PALS1: variants seen among roughly 807,000 people sequenced by gnomAD.
PALS1 encodes protein PALS1.
A neutral mutation model predicts 78.9 loss-of-function variants in PALS1; 31 were observed. The ratio of observed to expected loss-of-function variants is 0.39; its 90% CI spans 0.30 to 0.53. The LOEUF (loss-of-function observed/expected upper bound fraction) is 0.53. Ranked by LOEUF, PALS1 falls within the 20% of genes least tolerant of loss-of-function variation. The pLI is 0.67. For synonymous variants in PALS1, 276 were observed against 270.9 expected, an observed-to-expected ratio of 1.02 and a Z score of -0.18; for missense variants, 704 against 826.5, an observed-to-expected ratio of 0.85 and a Z score of 1.82.
At chr14:67,328,890 A>G (rs1314258729) in intron 14 of PALS1, among the ~76,000 whole-genome samples, 3 of 152,128 alleles carry the variant, frequency 2.0e-5, no homozygotes, top group Non-Finnish European at 4.4e-5. Context: ...GCCTTGTAGT[A>G]TAGTTTGAAG....
chr14:67,313,611 A>C (rs1208611591), intron 9 of PALS1, among the ~76,000 whole-genome samples: 1 of 152,228 alleles, frequency 6.6e-6, no homozygotes, highest in Non-Finnish European at 1.5e-5. Flanking sequence ...AAAGGAATAC[A>C]TACAGGATGA....
intron 5 of PALS1, among the ~76,000 whole-genome samples, chr14:67,301,753 A>G (rs1310438721): frequency 1.3e-5 from 2 of 152,080 alleles, no homozygotes; most frequent in Admixed American, 6.6e-5. Flanking sequence ...AGACCTTTAC[A>G]TTGATGTTAT....
intron 11 of PALS1, among the ~76,000 whole-genome samples, chr14:67,317,763 A>G (rs576028457): frequency 1.3e-5 from 2 of 152,366 alleles, no homozygotes; most frequent in East Asian, 1.9e-4. Context: ...CTTACAGAAC[A>G]TACTTGAAGT....
intron 11 of PALS1, among the ~76,000 whole-genome samples, chr14:67,318,379 G>C (rs2085210853): frequency 6.6e-6 from 1 of 152,074 alleles, no homozygotes; most frequent in Non-Finnish European, 1.5e-5. Context: ...TAACTAAAAA[G>C]ATTTAATGAG....
At chr14:67,251,951 A>C (rs2084070589) in intron 1 of PALS1, among the ~76,000 whole-genome samples, 1 of 152,164 alleles carries the variant, frequency 6.6e-6, no homozygotes, top group Non-Finnish European at 1.5e-5. Flanking sequence ...TGCCCATCTA[A>C]TGAAACTCCT....
rs763837627 is a variant in PALS1, at chr14:67,301,370, C to T, written c.577-19C>T. The T allele has an allele frequency of 1.1e-5, 17 of 1,575,352 alleles. No homozygotes were observed. Among genetic ancestry groups the T allele is most frequent in the Non-Finnish European group, 1.4e-5 (16 of 1,150,016 alleles). ...CTTCCTATAATCTAGGAAGAATAAT[C>T]TTTATTTTTGTTTCTTAGGTACAAA... On this transcript the variant is annotated intron_variant, in intron 4 of 14. Coordinates refer to ENST00000261681, the MANE Select transcript of PALS1 (RefSeq NM_022474.4).
At chr14:67,268,415 G>A (rs1005553837) in intron 1 of PALS1, among the ~76,000 whole-genome samples, 3 of 152,220 alleles carry the variant, frequency 2.0e-5, no homozygotes, top group African/African-American at 7.2e-5. Context: ...AGTCCATAGA[G>A]TAAAATGAAA....
chr14:67,245,916 A>AT (rs1366867530), intron 1 of PALS1, among the ~76,000 whole-genome samples: 2 of 151,348 alleles, frequency 1.3e-5, no homozygotes, highest in African/African-American at 4.9e-5. Flanking sequence ...TCTATGTTCC[A>AT]TTTTGAGTTT....
rs1351489609 is a variant in PALS1 at position 67,280,337 on chromosome 14, T to A, written c.367+800T>A. 3.9e-5 allele frequency among the ~76,000 whole-genome samples: 6 copies of A among 152,218 alleles called. No homozygotes were observed. In the East Asian group the frequency reaches 1.2e-3, roughly 29 times the overall value. On this transcript the variant is annotated intron_variant, in intron 3 of 14. Coordinates refer to ENST00000261681, the MANE Select transcript of PALS1 (RefSeq NM_022474.4). ...ACTAGTGTTAGGAGAGCATTTTATT[T>A]TTTGGTGGTTTGCTATTTTTTAGGT... is the stretch of plus-strand genomic sequence containing the variant.
intron 7 of PALS1, 66 bp downstream of exon 7, chr14:67,302,637 A>G (rs888135716): frequency 5.8e-6 from 7 of 1,209,030 alleles, no homozygotes; most frequent in Non-Finnish European, 7.6e-6. Flanking sequence ...CTTTAGAATA[A>G]AATATTTTTA....
chr14:67,330,409 G>C (rs1455400839), intron 14 of PALS1, among the ~76,000 whole-genome samples: 1 of 147,150 alleles, frequency 6.8e-6, no homozygotes, highest in Admixed American at 6.8e-5. Context: ...TTTTGGCATT[G>C]TATTTTTGTT....
intron 1 of PALS1, among the ~76,000 whole-genome samples, chr14:67,244,493 T>G (rs1310260560): frequency 1.3e-5 from 2 of 152,344 alleles, no homozygotes; most frequent in African/African-American, 4.8e-5. Flanking sequence ...AATATTTAAC[T>G]CTAATTTACA....
At chr14:67,290,921 T>G (rs1162788130) in intron 3 of PALS1, among the ~76,000 whole-genome samples, 1 of 152,184 alleles carries the variant, frequency 6.6e-6, no homozygotes, top group Non-Finnish European at 1.5e-5. Context: ...TATGCTGAAA[T>G]AAATTCTAGA....
At chr14:67,292,799 T>C in intron 4 of PALS1, 80 bp downstream of exon 4, 2 of 1,061,504 alleles carry the variant, frequency 1.9e-6, no homozygotes, top group African/African-American at 3.2e-5. Context: ...AAAATACTAA[T>C]GTGACTATAA....
chr14:67,284,547 TAAAAAAAAAAAAAAAAAAAAAAAA>T (rs36207191), intron 3 of PALS1, among the ~76,000 whole-genome samples: 69 of 23,310 alleles, frequency 3.0e-3, no homozygotes, highest in East Asian at 0.017. Flanking sequence ...GCTGCAGTGC[TAAAAAAAAAAAAAAAAAAAAAAAA>T]AAAAAAAAAA....
intron 9 of PALS1, 88 bp from the exon 10 acceptor site, chr14:67,316,744 G>C: frequency 1.0e-6 from 1 of 969,766 alleles, no homozygotes; most frequent in Non-Finnish European, 1.5e-6. Context: ...GAAGAGATAT[G>C]TCTAGTGTTT....
intron 1 of PALS1, among the ~76,000 whole-genome samples, chr14:67,260,895 G>T (rs2084225685): frequency 6.6e-6 from 1 of 152,042 alleles, no homozygotes; most frequent in Non-Finnish European, 1.5e-5. Context: ...GAAAGAAAAT[G>T]GAAAAAGTAT....
Position 67,333,915 on chromosome 14 carries a change from ATGAC to A in PALS1, c.*962_*965del, listed in dbSNP as rs1449243741. On this transcript the variant is annotated 3_prime_UTR_variant, in exon 15 of 15. Coordinates refer to ENST00000261681, the MANE Select transcript of PALS1 (RefSeq NM_022474.4). Reference sequence around the variant, plus strand: ...TTTTTATGTATGAGCACAGTATCCTATGACTGTGCTACGTATATATAGGTAATAA... The same window carrying A: ...TTTTTATGTATGAGCACAGTATCCTATGTGCTACGTATATATAGGTAATAA... 2 of 152,628 alleles carry A rather than the reference ATGAC, an allele frequency of 1.3e-5. No homozygotes were observed. The highest frequency in any genetic ancestry group is 4.8e-5 in the African/African-American group (2 of 41,450). The allele number at this position is 152,628 out of a possible 1,614,324, so 9.5% of individuals were successfully genotyped here.
intron 1 of PALS1, among the ~76,000 whole-genome samples, chr14:67,262,705 T>TCC (rs1422369203): frequency 1.1e-3 from 162 of 152,294 alleles, no homozygotes; most frequent in African/African-American, 3.7e-3. Flanking sequence ...ACCTTTAGTC[T>TCC]CCCATTATTT....
Sources: gnomAD v4.1 joint callset for allele counts (sites outside exome capture counted in the v4.1 genomes callset) on GRCh38, gnomAD v4.1.1 for gene constraint, MANE v1.5 for transcripts, NCBI Gene and HGNC (gene_info 2026-07-23, HGNC 2026-07-21) for gene names.